ATG9B: variants seen among roughly 807,000 people sequenced by gnomAD.
ATG9B encodes autophagy-related protein 9B.
ATG9B carries 92 observed loss-of-function variants against 92.9 expected under a neutral mutation model. That is an observed-to-expected ratio of 0.99 (90% CI 0.84 to 1.18). ATG9B has a LOEUF of 1.18. Among genes scored for constraint, ATG9B ranks in the 50% most tolerant of loss-of-function variants. ATG9B has a pLI of 0.00. For synonymous variants in ATG9B, 599 were observed against 551.4 expected, an observed-to-expected ratio of 1.09 and a Z score of -1.21; for missense variants, 1,344 against 1,235.0, an observed-to-expected ratio of 1.09 and a Z score of -1.32.
downstream of ATG9B, chr7:151,012,418 A>G: frequency 6.2e-7 from 1 of 1,608,882 alleles, no homozygotes; most frequent in Non-Finnish European, 8.5e-7. Context: ...AGGCACTGGC[A>G]TTGCCCCCTT....
chr7:151,023,737 A>G lies in ATG9B; in HGVS notation c.551-7T>C, dbSNP rs541348433. On this transcript the variant is annotated splice_polypyrimidine_tract_variant and splice_region_variant and intron_variant, in intron 1 of 13. Transcript: ENST00000639579. ...TGGATGTGATGCCAGGAGCCTGGGC[A>G]CAGAGGGGAGAGTGTCAGCCCCTGG... 14 of 1,614,030 alleles carry G rather than the reference A, an allele frequency of 8.7e-6. No individual in the cohort carries two copies. The Admixed American group carries it at 1.5e-4, about 17-fold the overall frequency.
intron 5 of ATG9B, among the ~76,000 whole-genome samples, chr7:151,020,737 C>T (rs1184080951): frequency 6.6e-6 from 1 of 152,130 alleles, no homozygotes. Context: ...TTTGAAGGCT[C>T]TGTTTTAGGC....
downstream of ATG9B, chr7:151,013,823 A>AT: frequency 6.2e-7 from 1 of 1,609,320 alleles, no homozygotes; most frequent in Non-Finnish European, 8.5e-7. Context: ...CGATGTTACC[A>AT]TGGCAACCAA....
At chr7:151,012,977 C>T (rs1330142791), downstream of ATG9B, 3 of 520,700 alleles carry the variant, frequency 5.8e-6, no homozygotes, top group African/African-American at 5.9e-5. Context: ...AATTCTGAGT[C>T]CGAAGCCGCG....
intron 8 of ATG9B, 43 bp from the exon 9 acceptor site, chr7:151,017,315 CT>C (rs1356157398): frequency 6.6e-7 from 1 of 1,522,924 alleles, no homozygotes; most frequent in Non-Finnish European, 8.9e-7. Flanking sequence ...AACACTGAGC[CT>C]TATGGGAACA....
At chr7:151,016,087 C>T (rs1014789329) in intron 12 of ATG9B, 22 bp downstream of exon 12, 2 of 1,540,626 alleles carry the variant, frequency 1.3e-6, no homozygotes, top group Admixed American at 2.0e-5. Context: ...GCTCTGTCCC[C>T]TGCAGGCCCC....
chr7:151,024,081 C>T lies in ATG9B; in HGVS notation c.343G>A (p.Gly115Arg). The change falls in exon 1 of 14, where the codon GGA (glycine) becomes AGA (arginine). Residue 115 changes from glycine (G) to arginine (R), a missense_variant. Physicochemically the swap from Gly to Arg is moderately radical, Grantham distance 125 (BLOSUM62 -2). Transcript: ENST00000639579. ...MTPASASPSW[G>R]SHSTPPLAPA... ...GCCAGGGGTGGGGTGGAGTGGGATCCCCAGGAGGGAGATGCAGAGGCAGGT... is the reference window on the plus strand; with the variant it reads ...GCCAGGGGTGGGGTGGAGTGGGATCTCCAGGAGGGAGATGCAGAGGCAGGT... 1 of 1,601,734 alleles carries T rather than the reference C, an allele frequency of 6.2e-7. No homozygotes were observed. The highest frequency in any genetic ancestry group is 8.5e-7 in the Non-Finnish European group (1 of 1,174,632).
rs747858674 is a variant in ATG9B at position 151,017,231 on chromosome 7, ACGCTGAGACAG to A, written c.2083_2093del (p.Leu695CysfsTer7). 8.6e-5 allele frequency: 139 copies of A among 1,608,812 alleles called. No homozygotes were observed. Among genetic ancestry groups the A allele is most frequent in the Middle Eastern group, 8.3e-4 (5 of 6,040 alleles). On this transcript the variant is annotated frameshift_variant, in exon 9 of 14. Transcript: ENST00000639579. LOFTEE classifies it high-confidence loss of function. The stretch of plus-strand genomic sequence containing the variant: ...AAAGCTCAGTCTTGCCGTCCTCCGC[ACGCTGAGACAG>A]CGAGGCCTCAGTCTGTCCCGCCGAG...
chr7:151,016,854 G>C lies in ATG9B; in HGVS notation c.2290-33C>G, dbSNP rs142228341. 5.2e-4 allele frequency: 829 copies of C among 1,581,516 alleles called. 1 individual carries two copies. Among genetic ancestry groups the C allele is most frequent in the Non-Finnish European group, 6.5e-4 (760 of 1,164,734 alleles). Reference sequence around the variant, plus strand: ...CAAGAGGAGAGGGAAAGCCAAAGAGGGAGTCAGAAGAGAGGACAGAAACGG... The same window carrying C: ...CAAGAGGAGAGGGAAAGCCAAAGAGCGAGTCAGAAGAGAGGACAGAAACGG... On this transcript the variant is annotated intron_variant, in intron 9 of 13. Transcript: ENST00000639579.
chr7:151,018,518 G>T lies in ATG9B; in HGVS notation c.1719-71C>A. On this transcript the variant is annotated intron_variant, in intron 6 of 13. Transcript: ENST00000639579. The surrounding 1 kb of genome is among the most constrained non-coding windows in gnomAD (Gnocchi z 4.7). ...ACGCGCGGTGGGATGTAGGGCTAGA[G>T]GGCCCCAGTGGTGGGAGAGGTAAGG... 3 of 1,520,810 alleles carry T rather than the reference G, an allele frequency of 2.0e-6. No individual in the cohort carries two copies. The highest frequency in any genetic ancestry group is 2.6e-6 in the Non-Finnish European group (3 of 1,136,546). The allele number at this position is 1,520,810 out of a possible 1,614,324, so 94.2% of individuals were successfully genotyped here. A position where few individuals can be genotyped will look rare whatever the true frequency, so the allele number is the denominator to read the frequency against.
downstream of ATG9B, chr7:151,014,177 C>T (rs769133349): frequency 2.4e-5 from 39 of 1,592,516 alleles, no homozygotes; most frequent in Non-Finnish European, 3.2e-5. Context: ...TGAGAGCCGC[C>T]TGGCTTTCCC....
chr7:151,017,325 CAGGTGGGACA>C, intron 8 of ATG9B, 53 bp from the exon 9 acceptor site: 1 of 1,492,816 alleles, frequency 6.7e-7, no homozygotes, highest in Non-Finnish European at 9.0e-7. Context: ...CTTATGGGAA[CAGGTGGGACA>C]GGAAACACTG....
At chr7:151,016,072 A>C (rs1384084989) in intron 12 of ATG9B, 37 bp downstream of exon 12, 1 of 1,546,574 alleles carries the variant, frequency 6.5e-7, no homozygotes, top group Non-Finnish European at 8.7e-7. Flanking sequence ...CCCAGTGTCC[A>C]CCAGGCTCTG....
At chr7:151,012,218 G>GTT, downstream of ATG9B, 2 of 522,030 alleles carry the variant, frequency 3.8e-6, no homozygotes, top group Non-Finnish European at 6.2e-6. Context: ...GTTGTTTTTT[G>GTT]TTTTTTGTTT....
chr7:151,014,301 C>T, downstream of ATG9B: 1 of 960,578 alleles, frequency 1.0e-6, no homozygotes, highest in South Asian at 1.7e-5. Context: ...TGCAAGGATT[C>T]AGCATTATTC....
At position 151,024,386 on chromosome 7, in the gene ATG9B, C is replaced by A. The variant is rs993919323; in HGVS notation, c.38G>T (p.Arg13Leu). ...CCCCAGATCTCCCCACCGCCCCAGC[C>A]GCCTTCTTCTCCCCCCCCAGCCCAT... is the stretch of plus-strand genomic sequence containing the variant. Reference protein sequence around the residue: ...SRMGWGGRRRRLGRWGDLGPG... With the variant: ...SRMGWGGRRRLLGRWGDLGPG... Residue 13 changes from arginine to leucine, a missense_variant, in exon 1 of 14, where the codon CGG becomes CTG. Transcript: ENST00000639579. 2.9e-6 allele frequency: 4 copies of A among 1,375,192 alleles called. No homozygotes were observed. Among genetic ancestry groups the A allele is most frequent in the African/African-American group, 1.5e-5 (1 of 67,652 alleles). The allele number at this position is 1,375,192 out of a possible 1,614,324, so 85.2% of individuals were successfully genotyped here. A position where few individuals can be genotyped will look rare whatever the true frequency, so the allele number is the denominator to read the frequency against.
In ATG9B at chr7:151,023,165, C is replaced by A; in HGVS notation, c.701G>T (p.Arg234Leu). Residue 234 changes from arginine (R) to leucine (L), a missense_variant, in exon 4 of 14, where the codon CGA becomes CTA. Transcript: ENST00000639579. ...FIVTFTTFLL[R>L]CVDYNVLFAN... ...AAAGAGAACATTGTAATCCACGCAT[C>A]GAAGGAGGAAGGTTGTGAAGGTGAC... is the stretch of plus-strand genomic sequence containing the variant. The A allele has an allele frequency of 6.2e-7, 1 of 1,614,090 alleles. No individual in the cohort carries two copies. The highest frequency in any genetic ancestry group is 8.5e-7 in the Non-Finnish European group (1 of 1,180,038).
chr7:151,014,537 A>C (rs1312672261), downstream of ATG9B: 4 of 225,338 alleles, frequency 1.8e-5, no homozygotes, highest in Admixed American at 1.0e-4. Context: ...GATTTACCAT[A>C]AGGGACTGTG....
chr7:151,016,985 AGAG>A (rs769730071), intron 9 of ATG9B, 48 bp downstream of exon 9: 4 of 1,537,838 alleles, frequency 2.6e-6, no homozygotes, highest in Non-Finnish European at 2.6e-6. Flanking sequence ...AAGGGTTTGG[AGAG>A]GAGTTGTGGG....
Sources: gnomAD v4.1 joint callset for allele counts (sites outside exome capture counted in the v4.1 genomes callset) on GRCh38, gnomAD v4.1.1 for gene constraint, Gnocchi (gnomAD v3.1) non-coding constraint, MANE v1.5 for transcripts, NCBI Gene and HGNC (gene_info 2026-07-23, HGNC 2026-07-21) for gene names.